Variants in RFX7 observed in about 807,000 individuals in gnomAD.
RFX7 encodes the protein regulatory factor X7, also known as DNA-binding protein RFX7.
In RFX7, 26 loss-of-function variants were observed where a neutral mutation model predicts 111.8. The observed-to-expected ratio is 0.23, with a 90% CI of 0.17 to 0.32. RFX7 has a LOEUF of 0.32. Among genes scored for constraint, RFX7 ranks in the 10% least tolerant of loss-of-function variants. The pLI is 1.00. For missense variants in RFX7, 1,573 were observed against 1,772.9 expected (o/e 0.89, Z 2.02); for synonymous variants, 624 against 624.4 (o/e 1.00, Z 0.01).
At chr15:56,186,051 CA>C (rs1362103967) in intron 2 of RFX7, among the ~76,000 whole-genome samples, 84 of 152,036 alleles carry the variant, frequency 5.5e-4, no homozygotes, top group African/African-American at 1.8e-3. Context: ...GTCCTTGTAC[CA>C]GAAGGAAACT....
chr15:56,168,635 G>C (rs562586840), intron 3 of RFX7, among the ~76,000 whole-genome samples: 1 of 152,208 alleles, frequency 6.6e-6, no homozygotes, highest in South Asian at 2.1e-4. Flanking sequence ...TTCTTCCTCT[G>C]GTTTAGACTA....
intron 5 of RFX7, among the ~76,000 whole-genome samples, chr15:56,108,792 A>C (rs1159337762): frequency 6.6e-6 from 1 of 152,204 alleles, no homozygotes; most frequent in Non-Finnish European, 1.5e-5. Flanking sequence ...CTATATTTAG[A>C]AAACCCTATT....
At chr15:56,171,671 T>A (rs1168133950) in intron 3 of RFX7, among the ~76,000 whole-genome samples, 1 of 152,160 alleles carries the variant, frequency 6.6e-6, no homozygotes. Flanking sequence ...TCTAAAATAA[T>A]CAATTTGTGT....
chr15:56,163,738 T>G (rs1255125474), intron 3 of RFX7, among the ~76,000 whole-genome samples: 1 of 152,216 alleles, frequency 6.6e-6, no homozygotes, highest in Non-Finnish European at 1.5e-5. Flanking sequence ...ATCATTATTC[T>G]TTGTTATATA....
intron 2 of RFX7, among the ~76,000 whole-genome samples, chr15:56,209,111 A>G (rs1280456661): frequency 3.3e-5 from 5 of 152,088 alleles, no homozygotes; most frequent in African/African-American, 1.2e-4. Context: ...AAACAAAAAA[A>G]CTATACTTAG....
At chr15:56,166,868 C>A (rs1418285245) in intron 3 of RFX7, among the ~76,000 whole-genome samples, 1 of 152,140 alleles carries the variant, frequency 6.6e-6, no homozygotes, top group African/African-American at 2.4e-5. Flanking sequence ...ATCCACCCAG[C>A]CTGAGTAGCT....
At chr15:56,188,690 T>G (rs1193413633) in intron 2 of RFX7, among the ~76,000 whole-genome samples, 1 of 152,164 alleles carries the variant, frequency 6.6e-6, no homozygotes, top group Non-Finnish European at 1.5e-5. Context: ...GTGGAGTAAC[T>G]AGACACATCT....
chr15:56,219,030 CATT>C (rs1176004254), intron 2 of RFX7, among the ~76,000 whole-genome samples: 3 of 152,136 alleles, frequency 2.0e-5, no homozygotes, highest in Admixed American at 2.0e-4. Context: ...AACATACAAA[CATT>C]AATACCTTCT....
chr15:56,175,393 T>G (rs1040636780), intron 3 of RFX7, among the ~76,000 whole-genome samples: 3 of 152,152 alleles, frequency 2.0e-5, no homozygotes, highest in Non-Finnish European at 4.4e-5. Flanking sequence ...AAAATCCAAG[T>G]AGAACTTTTT....
chr15:56,149,245 C>T (rs1016480620), intron 3 of RFX7, among the ~76,000 whole-genome samples: 13 of 152,178 alleles, frequency 8.5e-5, no homozygotes, highest in African/African-American at 2.9e-4. Context: ...GTGATTTCTG[C>T]TGCATATGAT....
chr15:56,099,940 G>A (rs2041730650), intron 8 of RFX7, among the ~76,000 whole-genome samples: 2 of 152,168 alleles, frequency 1.3e-5, no homozygotes, highest in Admixed American at 6.5e-5. Flanking sequence ...GACAGAAATA[G>A]GAAAGAGATG....
chr15:56,160,366 T>A (rs2042706272), intron 3 of RFX7, among the ~76,000 whole-genome samples: 1 of 151,852 alleles, frequency 6.6e-6, no homozygotes, highest in Non-Finnish European at 1.5e-5. Flanking sequence ...TTTTTTTTTT[T>A]AAGTTTTAAC....
rs931980716 is a variant in RFX7 at position 56,089,957 on chromosome 15, C to T, written c.*3388G>A. 1 of 152,136 alleles carries T rather than the reference C, an allele frequency of 6.6e-6. No homozygotes were observed. The highest frequency in any genetic ancestry group is 1.5e-5 in the Non-Finnish European group (1 of 68,036). The allele number at this position is 152,136 out of a possible 1,614,324, so 9.4% of individuals were successfully genotyped here. ...AAGATCTGTCTACAATATATAGTCCCTGGCACTGGTTGTTGTTGCTTCTCA... is the reference window on the plus strand; with the variant it reads ...AAGATCTGTCTACAATATATAGTCCTTGGCACTGGTTGTTGTTGCTTCTCA... On this transcript the variant is annotated 3_prime_UTR_variant, in exon 10 of 10. Coordinates refer to ENST00000559447, the MANE Select transcript of RFX7 (RefSeq NM_022841.7).
intron 2 of RFX7, among the ~76,000 whole-genome samples, chr15:56,194,173 T>C (rs1596000852): frequency 6.6e-6 from 1 of 152,186 alleles, no homozygotes. Context: ...GACTCTCACT[T>C]GTCCCTTCCA....
At chr15:56,203,222 T>C (rs1023348167) in intron 2 of RFX7, among the ~76,000 whole-genome samples, 2 of 152,152 alleles carry the variant, frequency 1.3e-5, no homozygotes, top group Non-Finnish European at 2.9e-5. Context: ...CTGGAACAGA[T>C]AGAAAACTGC....
intron 3 of RFX7, among the ~76,000 whole-genome samples, chr15:56,178,144 A>G (rs557313545): frequency 1.3e-5 from 2 of 149,076 alleles, no homozygotes; most frequent in Admixed American, 1.4e-4. Flanking sequence ...AGACAAAAAA[A>G]AAAACTCGAA....
intron 2 of RFX7, among the ~76,000 whole-genome samples, chr15:56,187,450 A>G (rs1595996267): frequency 1.3e-5 from 2 of 152,148 alleles, no homozygotes; most frequent in East Asian, 1.9e-4. Flanking sequence ...AGCTCAAGCA[A>G]TCCACCTGCC....
intron 4 of RFX7, 98 bp downstream of exon 4, chr15:56,144,303 T>C (rs547463243): frequency 3.3e-5 from 13 of 388,640 alleles, no homozygotes; most frequent in Non-Finnish European, 5.5e-5. Context: ...TTCAGGAATA[T>C]TGCAAAAACT....
intron 2 of RFX7, among the ~76,000 whole-genome samples, chr15:56,224,442 ACT>A (rs566178103): frequency 3.6e-4 from 52 of 144,412 alleles, no homozygotes; most frequent in African/African-American, 1.1e-3. Context: ...TTTTTCTTCC[ACT>A]CTCTTTTGCC....
Sources: allele counts gnomAD v4.1 joint callset (sites outside exome capture counted in the v4.1 genomes callset), GRCh38; gene constraint gnomAD v4.1.1; transcripts MANE v1.5; gene names NCBI Gene and HGNC (gene_info 2026-07-23, HGNC 2026-07-21).